PTPRN2: variants seen among roughly 807,000 people sequenced by gnomAD.
PTPRN2 encodes the protein receptor-type tyrosine-protein phosphatase N2.
PTPRN2 carries 74 observed loss-of-function variants against 118.8 expected under a neutral mutation model. The observed-to-expected ratio is 0.62, with a 90% CI of 0.52 to 0.76. The LOEUF (loss-of-function observed/expected upper bound fraction) is 0.76. Ranked by LOEUF, PTPRN2 falls within the 30% of genes least tolerant of loss-of-function variation. The pLI, the probability that PTPRN2 is intolerant of heterozygous loss-of-function variation, is 0.00. For synonymous variants in PTPRN2, 641 were observed against 608.0 expected (o/e 1.05, Z -0.80); for missense variants, 1,481 against 1,394.4 (o/e 1.06, Z -0.99).
At chr7:157,942,646 C>T (rs1800219181) in intron 11 of PTPRN2, among the ~76,000 whole-genome samples, 1 of 152,094 alleles carries the variant, frequency 6.6e-6, no homozygotes, top group African/African-American at 2.4e-5. Context: ...CTGTACATCG[C>T]AAGTGTCTAA....
chr7:157,987,381 C>T lies in PTPRN2; in HGVS notation c.1724-88644G>A, dbSNP rs1286808851. ...CTAGTGGGGGTGAGACAACCGGTCA[C>T]TAACGGGGGCAATATGACCCCTCAC... On this transcript the variant is annotated intron_variant, in intron 11 of 22. Coordinates refer to ENST00000389418, the MANE Select transcript of PTPRN2 (RefSeq NM_002847.5). The surrounding 1 kb of genome is among the most constrained non-coding windows in gnomAD (Gnocchi z 4.3). Among the ~76,000 whole-genome samples, 2 of 151,166 alleles carry T rather than the reference C, an allele frequency of 1.3e-5. No homozygotes were observed. The highest frequency in any genetic ancestry group is 2.9e-5 in the Non-Finnish European group (2 of 67,868).
intron 12 of PTPRN2, among the ~76,000 whole-genome samples, chr7:157,691,209 TC>T (rs1312961455): frequency 6.6e-6 from 1 of 151,808 alleles, no homozygotes; most frequent in Non-Finnish European, 1.5e-5. Flanking sequence ...CTTCGCCTTT[TC>T]TTTCTTTTCA....
chr7:157,886,724 TA>T (rs1320556839), intron 12 of PTPRN2, among the ~76,000 whole-genome samples: 1 of 139,506 alleles, frequency 7.2e-6, no homozygotes, highest in Non-Finnish European at 1.6e-5. Context: ...AGAAGAGCAG[TA>T]AGCAGCAAGC....
rs953288806 is a variant in PTPRN2, at chr7:157,585,449, G to A, written c.2497-7309C>T. Among the ~76,000 whole-genome samples, 1 of 152,184 alleles carries A rather than the reference G, an allele frequency of 6.6e-6. No homozygotes were observed. Among genetic ancestry groups the A allele is most frequent in the African/African-American group, 2.4e-5 (1 of 41,446 alleles). The stretch of plus-strand genomic sequence containing the variant: ...TGTGGCTTGGTGTGGCCATCCTGCC[G>A]CATAGGGGTTCCCACGGTGGGAATG... On this transcript the variant is annotated intron_variant, in intron 17 of 22. Coordinates refer to ENST00000389418, the MANE Select transcript of PTPRN2 (RefSeq NM_002847.5). The surrounding 1 kb of genome is among the most constrained non-coding windows in gnomAD (Gnocchi z 5.2).
intron 2 of PTPRN2, among the ~76,000 whole-genome samples, chr7:158,397,681 C>T (rs962920165): frequency 6.6e-6 from 1 of 152,218 alleles, no homozygotes; most frequent in Non-Finnish European, 1.5e-5. Flanking sequence ...CCTCCACTTC[C>T]ACATGACAAC....
At chr7:158,530,489 T>C (rs1243991732) in intron 1 of PTPRN2, among the ~76,000 whole-genome samples, 1 of 152,130 alleles carries the variant, frequency 6.6e-6, no homozygotes, top group East Asian at 1.9e-4. Flanking sequence ...GCAGGTTTCA[T>C]GCACTGGGAC....
At chr7:158,258,443 CCG>C (rs1229419048) in intron 3 of PTPRN2, among the ~76,000 whole-genome samples, 1 of 152,218 alleles carries the variant, frequency 6.6e-6, no homozygotes, top group Non-Finnish European at 1.5e-5. Flanking sequence ...CTATGAATCG[CCG>C]CGAGACGACC....
intron 11 of PTPRN2, among the ~76,000 whole-genome samples, chr7:158,010,997 T>A (rs1231500198): frequency 1.3e-5 from 2 of 152,184 alleles, no homozygotes; most frequent in African/African-American, 4.8e-5. Context: ...GTTTTAGAAG[T>A]TACCAGTTTG....
chr7:158,204,226 C>G (rs150000634), intron 4 of PTPRN2, among the ~76,000 whole-genome samples: 83 of 150,326 alleles, frequency 5.5e-4, no homozygotes, highest in Non-Finnish European at 7.1e-4. Context: ...CCCCCGCCCT[C>G]GGTGTGCGCC....
intron 20 of PTPRN2, 39 bp downstream of exon 20, chr7:157,571,401 G>A (rs1259278722): frequency 6.6e-7 from 1 of 1,504,498 alleles, no homozygotes; most frequent in Non-Finnish European, 9.1e-7. Flanking sequence ...AGTTTTTGAG[G>A]TAGCCAAAAC....
intron 5 of PTPRN2, among the ~76,000 whole-genome samples, chr7:158,187,241 G>A (rs1425867369): frequency 6.6e-6 from 1 of 152,184 alleles, no homozygotes; most frequent in Non-Finnish European, 1.5e-5. Context: ...ATTCTGTTAT[G>A]ACGTCACCAG....
intron 11 of PTPRN2, among the ~76,000 whole-genome samples, chr7:157,937,864 G>C (rs1799816292): frequency 6.6e-6 from 1 of 152,228 alleles, no homozygotes; most frequent in Admixed American, 6.5e-5. Flanking sequence ...CCCCAGGACA[G>C]TCTGTTCAGT....
chr7:157,801,651 TC>T lies in PTPRN2; in HGVS notation c.1788+97021del, dbSNP rs1207002343. On this transcript the variant is annotated intron_variant, in intron 12 of 22. Transcript: ENST00000389418. The surrounding 1 kb of genome is among the most constrained non-coding windows in gnomAD (Gnocchi z 4.2). ...TAAAGGCCTAAAAATAATAATTTTC[TC>T]TAGGGAAAAATTTGATGGGCACGCT... Among the ~76,000 whole-genome samples, 1 of 152,132 alleles carries T rather than the reference TC, an allele frequency of 6.6e-6. No individual in the cohort carries two copies. Among genetic ancestry groups the T allele is most frequent in the East Asian group, 1.9e-4 (1 of 5,196 alleles).
chr7:158,464,912 C>T (rs1819285065), intron 2 of PTPRN2, among the ~76,000 whole-genome samples: 1 of 152,244 alleles, frequency 6.6e-6, no homozygotes, highest in Non-Finnish European at 1.5e-5. Flanking sequence ...GTGCTACACC[C>T]TTATGCTCAT....
At chr7:158,577,320 G>A (rs1389311262) in intron 1 of PTPRN2, among the ~76,000 whole-genome samples, 3 of 120,282 alleles carry the variant, frequency 2.5e-5, no homozygotes, top group South Asian at 3.1e-4. Context: ...CATGGGGCCT[G>A]CACAACACTG....
chr7:158,563,946 TG>T lies in PTPRN2; in HGVS notation c.112+23611del, dbSNP rs1827531725. Among the ~76,000 whole-genome samples, 2 of 152,260 alleles carry T rather than the reference TG, an allele frequency of 1.3e-5. No homozygotes were observed. Among genetic ancestry groups the T allele is most frequent in the Non-Finnish European group, 2.9e-5 (2 of 68,054 alleles). The stretch of plus-strand genomic sequence containing the variant: ...ACTTGGGCTCTGATGCCACAGTGCC[TG>T]GGATGTCTACGAAACACACATCATG... On this transcript the variant is annotated intron_variant, in intron 1 of 22. Transcript: ENST00000389418. The surrounding 1 kb of genome is among the most constrained non-coding windows in gnomAD (Gnocchi z 5.1).
At chr7:157,588,262 G>A (rs1329322906) in intron 17 of PTPRN2, among the ~76,000 whole-genome samples, 3 of 150,498 alleles carry the variant, frequency 2.0e-5, no homozygotes, top group African/African-American at 7.5e-5. Flanking sequence ...AAATAGGAAA[G>A]GGGGGATGGC....
intron 13 of PTPRN2, among the ~76,000 whole-genome samples, chr7:157,662,746 G>A (rs1468145691): frequency 2.0e-5 from 3 of 152,294 alleles, no homozygotes; most frequent in East Asian, 1.9e-4. Flanking sequence ...GCAGTGCTGC[G>A]GGCACAGCGC....
rs144053413 is a variant in PTPRN2, at chr7:158,061,525, G to A, written c.1723+19773C>T. Reference sequence around the variant, plus strand: ...CATCATTGAGGAGAGACCAGCTGCTGCTGTGGCCCCTGGGGCTGCAGCATA... The same window carrying A: ...CATCATTGAGGAGAGACCAGCTGCTACTGTGGCCCCTGGGGCTGCAGCATA... On this transcript the variant is annotated intron_variant, in intron 11 of 22. Coordinates refer to ENST00000389418, the MANE Select transcript of PTPRN2 (RefSeq NM_002847.5). Among the ~76,000 whole-genome samples the A allele has an allele frequency of 2.2e-3, 340 of 152,362 alleles. 2 individuals are homozygous for A. The highest frequency in any genetic ancestry group is 7.5e-3 in the African/African-American group (313 of 41,586).
Sources: gnomAD v4.1 joint callset for allele counts (sites outside exome capture counted in the v4.1 genomes callset) on GRCh38, gnomAD v4.1.1 for gene constraint, Gnocchi (gnomAD v3.1) non-coding constraint, MANE v1.5 for transcripts, NCBI Gene and HGNC (gene_info 2026-07-23, HGNC 2026-07-21) for gene names.